Variants in ZNF644 observed in about 807,000 individuals in gnomAD.
ZNF644 encodes zinc finger motif enhancer binding protein 2.
Under a neutral mutation model 108.0 loss-of-function variants are expected in ZNF644, and 20 were observed. That is an observed-to-expected ratio of 0.19 (90% CI 0.13 to 0.27). The LOEUF (loss-of-function observed/expected upper bound fraction) is 0.27, where lower values mean the gene tolerates loss of function less well. Among genes scored for constraint, ZNF644 ranks in the 10% least tolerant of loss-of-function variants. The pLI, the probability that ZNF644 is intolerant of heterozygous loss-of-function variation, is 1.00. For synonymous variants in ZNF644, 542 were observed against 539.1 expected, an observed-to-expected ratio of 1.01 and a Z score of -0.08; for missense variants, 1,338 against 1,548.9, an observed-to-expected ratio of 0.86 and a Z score of 2.29.
In ZNF644 at chr1:90,940,040, G is replaced by A. The variant is rs1483795703; in HGVS notation, c.1314C>T (p.His438=). 6.2e-7 allele frequency: 1 copy of A among 1,614,086 alleles called. No homozygotes were observed. Among genetic ancestry groups the A allele is most frequent in the Non-Finnish European group, 8.5e-7 (1 of 1,179,964 alleles). The change falls in exon 3 of 6, where the codon CAC becomes CAT. Residue 438 remains histidine, a synonymous_variant. Transcript: ENST00000337393. The part of the protein sequence containing the change: ...HMMYHLDGNS[H]FRHLNVPRPY... ...GCCTTGGGACATTAAGATGGCGAAAGTGACTATTCCCATCTAAATGATACA... is the reference window on the plus strand; with the variant it reads ...GCCTTGGGACATTAAGATGGCGAAAATGACTATTCCCATCTAAATGATACA...
chr1:90,981,561 A>AT (rs1433945859), intron 2 of ZNF644, among the ~76,000 whole-genome samples: 1 of 151,864 alleles, frequency 6.6e-6, no homozygotes, highest in Non-Finnish European at 1.5e-5. Context: ...GTTAACTCCA[A>AT]TTTTTTCAAT....
At position 90,995,907 on chromosome 1, in the gene ZNF644, T is replaced by C. The variant is rs537337117; in HGVS notation, c.-17-13537A>G. On this transcript the variant is annotated intron_variant, in intron 1 of 5. Coordinates refer to ENST00000337393, the MANE Select transcript of ZNF644 (RefSeq NM_201269.3). ...GAGCCCTCATCAGAACCTGACCATG[T>C]TGGCACTCTGATCCCAGACTTCCAA... Among the ~76,000 whole-genome samples, 26 of 152,316 alleles carry C rather than the reference T, an allele frequency of 1.7e-4. 1 individual carries two copies. In the East Asian group the frequency reaches 1.7e-3, roughly 10 times the overall value.
At chr1:90,947,014 T>C (rs1296905255) in intron 2 of ZNF644, among the ~76,000 whole-genome samples, 1 of 152,164 alleles carries the variant, frequency 6.6e-6, no homozygotes, top group Admixed American at 6.5e-5. Flanking sequence ...CGGAAGCAGG[T>C]AACTGTGTGG....
intron 2 of ZNF644, among the ~76,000 whole-genome samples, chr1:90,978,015 C>G (rs527627172): frequency 6.6e-6 from 1 of 152,176 alleles, no homozygotes; most frequent in African/African-American, 2.4e-5. Context: ...ACTATTTGCT[C>G]ATAAGGTCAC....
chr1:90,951,911 T>C (rs972274034), intron 2 of ZNF644, among the ~76,000 whole-genome samples: 2 of 152,146 alleles, frequency 1.3e-5, no homozygotes, highest in African/African-American at 4.8e-5. Flanking sequence ...ATAAAAGGTT[T>C]GAGAATACAG....
chr1:91,020,074 G>C (rs990339106), intron 1 of ZNF644, among the ~76,000 whole-genome samples: 1 of 152,042 alleles, frequency 6.6e-6, no homozygotes, highest in African/African-American at 2.4e-5. Context: ...ATCATCTCTG[G>C]TCCTCAATAT....
Position 90,976,920 on chromosome 1 carries a change from C to A in ZNF644, c.44+5390G>T, listed in dbSNP as rs358688. ...CACTAGAAAATACTATTAAAAAATA[C>A]CAAAATATGCCAATTTGTAAAAATA... On this transcript the variant is annotated intron_variant, in intron 2 of 5. Coordinates refer to ENST00000337393, the MANE Select transcript of ZNF644 (RefSeq NM_201269.3). 9.8e-3 allele frequency among the ~76,000 whole-genome samples: 1,496 copies of A among 151,924 alleles called. 20 individuals are homozygous for A. The highest frequency in any genetic ancestry group is 0.034 in the African/African-American group (1,390 of 41,428).
intron 2 of ZNF644, among the ~76,000 whole-genome samples, chr1:90,970,022 A>G (rs1047844369): frequency 6.6e-6 from 1 of 152,238 alleles, no homozygotes; most frequent in Admixed American, 6.5e-5. Flanking sequence ...AACTAAGGTC[A>G]TCTCCAACAT....
At chr1:90,997,753 A>T (rs1658296391) in intron 1 of ZNF644, among the ~76,000 whole-genome samples, 1 of 152,280 alleles carries the variant, frequency 6.6e-6, no homozygotes, top group East Asian at 1.9e-4. Context: ...GCATCGCCTC[A>T]CCCGGGAAGT....
chr1:90,968,804 A>T (rs1655181615), intron 2 of ZNF644, among the ~76,000 whole-genome samples: 1 of 152,232 alleles, frequency 6.6e-6, no homozygotes, highest in South Asian at 2.1e-4. Context: ...ATAAATAGAT[A>T]TATTGATAAA....
intron 2 of ZNF644, among the ~76,000 whole-genome samples, chr1:90,981,300 A>C (rs1656528724): frequency 6.6e-6 from 1 of 152,144 alleles, no homozygotes; most frequent in East Asian, 1.9e-4. Flanking sequence ...ACGATCAATA[A>C]GGTATGACAA....
Position 90,939,203 on chromosome 1 carries a change from T to C in ZNF644, c.2151A>G (p.Gln717=). 2 of 1,613,962 alleles carry C rather than the reference T, an allele frequency of 1.2e-6. No individual in the cohort carries two copies. The highest frequency in any genetic ancestry group is 1.7e-6 in the Non-Finnish European group (2 of 1,179,910). Residue 717 remains glutamine (Q), a synonymous_variant, in exon 3 of 6, where the codon CAA becomes CAG. Coordinates refer to ENST00000337393, the MANE Select transcript of ZNF644 (RefSeq NM_201269.3). ...KNVTIKSSVD[Q]KPKYFHQAAK... ...CTGCTTGATGGAAATACTTAGGTTTTTGGTCAACGCTGCTTTTAATTGTAA... is the reference window on the plus strand; with the variant it reads ...CTGCTTGATGGAAATACTTAGGTTTCTGGTCAACGCTGCTTTTAATTGTAA...
intron 2 of ZNF644, among the ~76,000 whole-genome samples, chr1:90,963,955 T>G (rs1409816596): frequency 6.6e-6 from 1 of 152,180 alleles, no homozygotes; most frequent in East Asian, 1.9e-4. Context: ...GAGCACCATC[T>G]TTTATAGCTA....
At position 90,940,046 on chromosome 1, in the gene ZNF644, A is replaced by T; in HGVS notation, c.1308T>A (p.Asn436Lys). ...HRHMMYHLDG[N>K]SHFRHLNVPR... is the part of the protein sequence containing the mutation. Reference sequence around the variant, plus strand: ...GGACATTAAGATGGCGAAAGTGACTATTCCCATCTAAATGATACATCATAT... The same window carrying T: ...GGACATTAAGATGGCGAAAGTGACTTTTCCCATCTAAATGATACATCATAT... The change falls in exon 3 of 6, where the codon AAT becomes AAA. Residue 436 changes from asparagine (N) to lysine (K), a missense_variant. Around this residue, in one of 6 missense-constraint regions of ZNF644, gnomAD observed 80 missense variants for 183.0 expected, o/e 0.44. Coordinates refer to ENST00000337393, the MANE Select transcript of ZNF644 (RefSeq NM_201269.3). The T allele has an allele frequency of 6.2e-7, 1 of 1,614,080 alleles. No homozygotes were observed. The highest frequency in any genetic ancestry group is 1.1e-5 in the South Asian group (1 of 91,080).
intron 1 of ZNF644, among the ~76,000 whole-genome samples, chr1:91,017,219 C>T (rs1660508800): frequency 6.6e-6 from 1 of 152,230 alleles, no homozygotes; most frequent in African/African-American, 2.4e-5. Flanking sequence ...CTGCCTTCAT[C>T]ACTCTAACCC....
At chr1:90,946,516 A>G (rs1468641274) in intron 2 of ZNF644, among the ~76,000 whole-genome samples, 1 of 152,168 alleles carries the variant, frequency 6.6e-6, no homozygotes, top group African/African-American at 2.4e-5. Flanking sequence ...ATTTAACATT[A>G]TTTGAAATAA....
At chr1:90,974,902 C>T (rs1655845000) in intron 2 of ZNF644, among the ~76,000 whole-genome samples, 1 of 152,136 alleles carries the variant, frequency 6.6e-6, no homozygotes, top group South Asian at 2.1e-4. Context: ...ACTAGCCACT[C>T]CCCACATCCA....
intron 1 of ZNF644, among the ~76,000 whole-genome samples, chr1:90,988,365 A>G (rs1657320130): frequency 6.6e-6 from 1 of 152,190 alleles, no homozygotes; most frequent in African/African-American, 2.4e-5. Flanking sequence ...ACTGAAAGCT[A>G]TAACACACTG....
At chr1:90,933,861 T>C (rs1651028525) in intron 4 of ZNF644, among the ~76,000 whole-genome samples, 1 of 152,194 alleles carries the variant, frequency 6.6e-6, no homozygotes, top group Non-Finnish European at 1.5e-5. Flanking sequence ...TTATTAACTG[T>C]GTAAGTTTGA....
Sources: gnomAD v4.1 joint callset for allele counts (sites outside exome capture counted in the v4.1 genomes callset) on GRCh38, gnomAD v4.1.1 for gene constraint, gnomAD v4.1.1 regional missense constraint, MANE v1.5 for transcripts, NCBI Gene and HGNC (gene_info 2026-07-23, HGNC 2026-07-21) for gene names.